Variants in ELAVL2 observed in about 807,000 individuals in gnomAD.
The protein encoded by ELAVL2 is ELAV-like protein 2.
In ELAVL2, 4 loss-of-function variants were observed where a neutral mutation model predicts 34.6. The ratio of observed to expected loss-of-function variants is 0.12; its 90% CI spans 0.06 to 0.26. The LOEUF is 0.26. Among genes scored for constraint, ELAVL2 ranks in the 10% least tolerant of loss-of-function variants. ELAVL2 has a pLI of 1.00. For synonymous variants in ELAVL2, 193 were observed against 154.8 expected, an observed-to-expected ratio of 1.25 and a Z score of -1.83; for missense variants, 432 against 442.8, an observed-to-expected ratio of 0.98 and a Z score of 0.22.
chr9:23,804,719 A>T (rs757035642), intron 1 of ELAVL2, among the ~76,000 whole-genome samples: 18 of 151,810 alleles, frequency 1.2e-4, no homozygotes, highest in Non-Finnish European at 2.4e-4. Context: ...CCAAAGCATA[A>T]CCTACATTTT....
At chr9:23,782,589 C>T (rs539016726) in intron 1 of ELAVL2, among the ~76,000 whole-genome samples, 37 of 151,814 alleles carry the variant, frequency 2.4e-4, no homozygotes, top group African/African-American at 8.4e-4. Context: ...AACAAACAAA[C>T]GAAAAGAAAC....
intron 2 of ELAVL2, among the ~76,000 whole-genome samples, chr9:23,756,847 C>G (rs1279345674): frequency 6.6e-6 from 1 of 152,166 alleles, no homozygotes; most frequent in Admixed American, 6.6e-5. Flanking sequence ...TAACTCCTAG[C>G]TAACGAGTAC....
chr9:23,836,267 G>T, the ELAVL2 span, among the ~76,000 whole-genome samples: 5 of 152,200 alleles, frequency 3.3e-5, no homozygotes, highest in Admixed American at 6.5e-5. Flanking sequence ...GTTGGAAGAT[G>T]TCACATAAAT....
At chr9:23,838,111 ATAT>A in the ELAVL2 span, among the ~76,000 whole-genome samples, 53 of 152,208 alleles carry the variant, frequency 3.5e-4, no homozygotes, top group Admixed American at 3.4e-3. Flanking sequence ...TATTTATGAA[ATAT>A]TATTAAGCAT....
chr9:23,755,275 G>A (rs1264071784), intron 2 of ELAVL2, among the ~76,000 whole-genome samples: 1 of 152,078 alleles, frequency 6.6e-6, no homozygotes, highest in Non-Finnish European at 1.5e-5. Flanking sequence ...TTCTTAAAAT[G>A]TTACAAATTT....
In ELAVL2 at chr9:23,743,502, C is replaced by G. The variant is rs566024886; in HGVS notation, c.230-12377G>C. On this transcript the variant is annotated intron_variant, in intron 2 of 6. Transcript: ENST00000397312. The stretch of plus-strand genomic sequence containing the variant: ...ATCCACATCAGCATGGTATAGTAAA[C>G]GCATTATCCTGCCGAATGAGCAGAG... 3.3e-5 allele frequency among the ~76,000 whole-genome samples: 5 copies of G among 152,220 alleles called. No homozygotes were observed. In the South Asian group the frequency reaches 8.3e-4, roughly 25 times the overall value.
chr9:23,754,342 A>G (rs911274978), intron 2 of ELAVL2, among the ~76,000 whole-genome samples: 1 of 152,164 alleles, frequency 6.6e-6, no homozygotes, highest in Non-Finnish European at 1.5e-5. Flanking sequence ...TTATCTAAAG[A>G]AGCAGCTCTT....
intron 2 of ELAVL2, among the ~76,000 whole-genome samples, chr9:23,736,821 C>G (rs551453356): frequency 1.2e-3 from 184 of 152,324 alleles, no homozygotes; most frequent in African/African-American, 4.1e-3. Context: ...AAACACAAAT[C>G]TAACCATACT....
intron 1 of ELAVL2, among the ~76,000 whole-genome samples, chr9:23,801,235 A>G (rs2061529430): frequency 6.6e-6 from 1 of 152,224 alleles, no homozygotes; most frequent in South Asian, 2.1e-4. Flanking sequence ...ATTACTGGAA[A>G]TAGGCTCAAT....
chr9:23,773,339 G>C (rs1481314813), intron 1 of ELAVL2, among the ~76,000 whole-genome samples: 1 of 151,774 alleles, frequency 6.6e-6, no homozygotes, highest in African/African-American at 2.4e-5. Context: ...CCCCCTAACA[G>C]AGAAAGGGGT....
At chr9:23,698,361 C>G (rs778284824) in intron 5 of ELAVL2, among the ~76,000 whole-genome samples, 6 of 152,160 alleles carry the variant, frequency 3.9e-5, no homozygotes, top group Non-Finnish European at 7.4e-5. Flanking sequence ...CAACAATTCT[C>G]TGATTATTCA....
chr9:23,803,865 C>T (rs947199812), intron 1 of ELAVL2, among the ~76,000 whole-genome samples: 1 of 152,162 alleles, frequency 6.6e-6, no homozygotes, highest in Non-Finnish European at 1.5e-5. Flanking sequence ...CTCCCATAAA[C>T]TCACGTTTTC....
At chr9:23,806,367 G>A (rs974517164) in intron 1 of ELAVL2, among the ~76,000 whole-genome samples, 1 of 152,034 alleles carries the variant, frequency 6.6e-6, no homozygotes, top group African/African-American at 2.4e-5. Context: ...CAGGTGAGGT[G>A]GCTCAGGTCT....
At position 23,734,082 on chromosome 9, in the gene ELAVL2, A is replaced by T. The variant is rs543570865; in HGVS notation, c.230-2957T>A. ...GCAAAACTGTATTATTATCCTAAGC[A>T]AAATAATATGAAAGGGGGTATCTGC... On this transcript the variant is annotated intron_variant, in intron 2 of 6. Transcript: ENST00000397312. Among the ~76,000 whole-genome samples the T allele has an allele frequency of 5.9e-5, 9 of 152,342 alleles. No individual in the cohort carries two copies. The South Asian group carries it at 1.7e-3, about 28-fold the overall frequency.
At chr9:23,822,091 T>C (rs1257841089) in intron 1 of ELAVL2, among the ~76,000 whole-genome samples, 1 of 152,088 alleles carries the variant, frequency 6.6e-6, no homozygotes, top group Admixed American at 6.6e-5. Context: ...CAGAGGAGGC[T>C]GATTCCAGGT....
intron 1 of ELAVL2, among the ~76,000 whole-genome samples, chr9:23,793,975 T>G (rs1182361870): frequency 6.6e-6 from 1 of 152,238 alleles, no homozygotes; most frequent in Non-Finnish European, 1.5e-5. Flanking sequence ...TACAGCCATT[T>G]GTAAGGCCCC....
chr9:23,753,520 C>A (rs1208876870), intron 2 of ELAVL2, among the ~76,000 whole-genome samples: 3 of 151,942 alleles, frequency 2.0e-5, no homozygotes, highest in African/African-American at 7.3e-5. Flanking sequence ...TTTTGTACTA[C>A]ATCATAAAAA....
At chr9:23,715,395 G>A (rs984586355) in intron 3 of ELAVL2, among the ~76,000 whole-genome samples, 1 of 152,146 alleles carries the variant, frequency 6.6e-6, no homozygotes, top group Non-Finnish European at 1.5e-5. Context: ...TGAGCCGCCC[G>A]TCTCGGCCTC....
chr9:23,692,959 T>C, intron 6 of ELAVL2, 75 bp from the exon 7 acceptor site: 4 of 1,357,020 alleles, frequency 2.9e-6, no homozygotes, highest in South Asian at 2.8e-5. Context: ...AATGAACGTA[T>C]ACCTTTTCCA....
Sources: allele counts gnomAD v4.1 joint callset (sites outside exome capture counted in the v4.1 genomes callset), GRCh38; gene constraint gnomAD v4.1.1; transcripts MANE v1.5; gene names NCBI Gene and HGNC (gene_info 2026-07-23, HGNC 2026-07-21).